The following NDRG1 variants were observed in gnomAD, a reference collection of about 807,000 sequenced individuals.
The protein encoded by NDRG1 is N-myc downstream regulated 1, also known as protein NDRG1.
In NDRG1, 32 loss-of-function variants were observed where a neutral mutation model predicts 56.9. The ratio of observed to expected loss-of-function variants is 0.56; its 90% CI spans 0.42 to 0.76. The LOEUF (loss-of-function observed/expected upper bound fraction) is 0.76, where lower values mean the gene tolerates loss of function less well. Ranked by LOEUF, NDRG1 falls within the 30% of genes least tolerant of loss-of-function variation. The probability of loss-of-function intolerance (pLI) is 0.00; values close to 1 mark genes in which losing one functional copy is unlikely to be tolerated. For missense variants in NDRG1, 507 were observed against 545.7 expected, an observed-to-expected ratio of 0.93 and a Z score of 0.71; for synonymous variants, 211 against 204.1, an observed-to-expected ratio of 1.03 and a Z score of -0.29.
intron 13 of NDRG1, chr8:133,244,647 C>G: frequency 3.4e-6 from 2 of 588,268 alleles, no homozygotes; most frequent in Non-Finnish European, 6.1e-6. Flanking sequence ...GATAATTTCA[C>G]TCCATTCCCC....
Position 133,258,565 on chromosome 8 carries a change from G to C in NDRG1, c.390-139C>G, listed in dbSNP as rs1046054789. 28 of 816,732 alleles carry C rather than the reference G, an allele frequency of 3.4e-5. No homozygotes were observed. In the African/African-American group the frequency reaches 3.9e-4, roughly 11 times the overall value. 50.6% of individuals were successfully genotyped at this position (816,732 alleles called of 1,614,324 possible). On this transcript the variant is annotated intron_variant, in intron 6 of 15. Transcript: ENST00000323851. ...CTGCCGTAACTGCCTGCACAGCTCTGAGGTCACCATGCTTTAGGACTGGAC... is the reference window on the plus strand; with the variant it reads ...CTGCCGTAACTGCCTGCACAGCTCTCAGGTCACCATGCTTTAGGACTGGAC...
intron 1 of NDRG1, 106 bp downstream of exon 1, chr8:133,297,028 T>C (rs1225681660): frequency 6.4e-6 from 1 of 156,964 alleles, no homozygotes; most frequent in East Asian, 2.0e-4. Flanking sequence ...CGCTTACTCC[T>C]GGAGTACGCG....
chr8:133,239,243 C>G, intron 15 of NDRG1, 124 bp from the exon 16 acceptor site: 1 of 1,457,020 alleles, frequency 6.9e-7, no homozygotes, highest in Non-Finnish European at 9.3e-7. Flanking sequence ...ATCCCTGCAG[C>G]CATCCAGCTG....
intron 13 of NDRG1, 55 bp downstream of exon 13, chr8:133,246,561 C>T (rs1269510306): frequency 9.6e-6 from 15 of 1,564,666 alleles, no homozygotes; most frequent in African/African-American, 8.1e-5. Flanking sequence ...TTGCAGAAAA[C>T]GTCTGAGAGT....
intron 8 of NDRG1, among the ~76,000 whole-genome samples, chr8:133,256,395 T>C (rs985407400): frequency 3.3e-5 from 5 of 152,218 alleles, no homozygotes; most frequent in African/African-American, 1.2e-4. Context: ...GATTCATTCC[T>C]AGAGGCTTTT....
chr8:133,289,350 C>T (rs1418365451), intron 1 of NDRG1, among the ~76,000 whole-genome samples: 1 of 152,178 alleles, frequency 6.6e-6, no homozygotes, highest in Non-Finnish European at 1.5e-5. Context: ...CATCAACATA[C>T]TTTCCTTTCA....
At chr8:133,262,005 A>G in intron 5 of NDRG1, 42 bp downstream of exon 5, 1 of 1,546,170 alleles carries the variant, frequency 6.5e-7, no homozygotes, top group Non-Finnish European at 8.7e-7. Flanking sequence ...CCCGACACCC[A>G]GTTTCCACCC....
At chr8:133,261,111 T>G (rs1403559218) in intron 5 of NDRG1, among the ~76,000 whole-genome samples, 2 of 151,488 alleles carry the variant, frequency 1.3e-5, no homozygotes, top group Non-Finnish European at 2.9e-5. Context: ...GTGCAACCTT[T>G]TTTTCTTTTT....
intron 3 of NDRG1, among the ~76,000 whole-genome samples, chr8:133,271,754 T>C (rs1285822958): frequency 8.8e-6 from 1 of 113,010 alleles, no homozygotes; most frequent in Non-Finnish European, 1.6e-5. Context: ...CACTCCAGCA[T>C]GGGCAACAAA....
At chr8:133,262,720 G>A (rs990666522) in intron 4 of NDRG1, among the ~76,000 whole-genome samples, 1 of 152,134 alleles carries the variant, frequency 6.6e-6, no homozygotes. Flanking sequence ...TCAGCTAGAC[G>A]GTATATCCCA....
intron 3 of NDRG1, among the ~76,000 whole-genome samples, chr8:133,265,415 G>A (rs977691880): frequency 2.0e-5 from 3 of 152,164 alleles, no homozygotes; most frequent in Non-Finnish European, 4.4e-5. Context: ...AGTGAAAGAC[G>A]GTTTGGGGAT....
chr8:133,256,161 T>C, intron 8 of NDRG1: 1 of 154,734 alleles, frequency 6.5e-6, no homozygotes, highest in East Asian at 1.9e-4. Flanking sequence ...ACAATCCCCT[T>C]AGCCACACCG....
At chr8:133,289,663 A>C (rs758663625) in intron 1 of NDRG1, among the ~76,000 whole-genome samples, 1 of 152,162 alleles carries the variant, frequency 6.6e-6, no homozygotes, top group Non-Finnish European at 1.5e-5. Flanking sequence ...CGAGGAAGAA[A>C]AGAACGTGAC....
At chr8:133,239,258 GC>G in intron 15 of NDRG1, 139 bp from the exon 16 acceptor site, 1 of 1,363,908 alleles carries the variant, frequency 7.3e-7, no homozygotes, top group Non-Finnish European at 1.0e-6. Flanking sequence ...CAGCTGCTGG[GC>G]CCCCGTCCTC....
chr8:133,288,933 C>T (rs77225512), intron 1 of NDRG1, among the ~76,000 whole-genome samples: 3,050 of 152,322 alleles, frequency 0.02, 51 homozygotes, highest in Non-Finnish European at 0.03. Flanking sequence ...TTTTCCCATC[C>T]ACCTGCCTGG....
At chr8:133,281,561 G>A (rs1463495069) in intron 2 of NDRG1, among the ~76,000 whole-genome samples, 2 of 146,746 alleles carry the variant, frequency 1.4e-5, no homozygotes, top group African/African-American at 2.5e-5. Flanking sequence ...CTGACCCAGA[G>A]ATGGAGTCCC....
intron 9 of NDRG1, among the ~76,000 whole-genome samples, chr8:133,250,758 C>T (rs1329321853): frequency 5.9e-5 from 9 of 152,112 alleles, no homozygotes; most frequent in African/African-American, 2.2e-4. Context: ...GCAGAAAAGA[C>T]CCCCATCCTG....
chr8:133,287,590 G>T (rs1265090739), intron 1 of NDRG1, among the ~76,000 whole-genome samples: 2 of 152,210 alleles, frequency 1.3e-5, no homozygotes, highest in African/African-American at 4.8e-5. Flanking sequence ...TCCCCCTGGA[G>T]GGCAGAGCAG....
In NDRG1 at chr8:133,259,127, C is replaced by A. The variant is rs769858435; in HGVS notation, c.389+41G>T. On this transcript the variant is annotated intron_variant, in intron 6 of 15. Coordinates refer to ENST00000323851, the MANE Select transcript of NDRG1 (RefSeq NM_006096.4). ...GGGCAGGAAGATGCTAGAAACCAGG[C>A]TTCTCTGCAGACAGAGAAGGAGCTG... 4 of 1,601,124 alleles carry A rather than the reference C, an allele frequency of 2.5e-6. No individual in the cohort carries two copies. The Admixed American group carries it at 5.0e-5, about 20-fold the overall frequency.
Sources: allele counts gnomAD v4.1 joint callset (sites outside exome capture counted in the v4.1 genomes callset), GRCh38; gene constraint gnomAD v4.1.1; transcripts MANE v1.5; gene names NCBI Gene and HGNC (gene_info 2026-07-23, HGNC 2026-07-21).